FRMD3: variants seen among roughly 807,000 people sequenced by gnomAD.
The protein encoded by FRMD3 is FERM domain-containing protein 3.
FRMD3 carries 33 observed loss-of-function variants against 70.2 expected under a neutral mutation model. The ratio of observed to expected loss-of-function variants is 0.47; its 90% CI spans 0.36 to 0.63. FRMD3 has a LOEUF of 0.63. Among genes scored for constraint, FRMD3 ranks in the 20% least tolerant of loss-of-function variants. The pLI is 0.00. For synonymous variants in FRMD3, 279 were observed against 255.9 expected, an observed-to-expected ratio of 1.09 and a Z score of -0.86; for missense variants, 632 against 711.4, an observed-to-expected ratio of 0.89 and a Z score of 1.27.
chr9:83,531,140 C>T lies in FRMD3; in HGVS notation c.147+6945G>A, dbSNP rs545658841. ...CTACTATAACTATTTCACTACCAGT[C>T]TGAGGATAGAGCCATCCCAAATGGC... On this transcript the variant is annotated intron_variant, in intron 1 of 13. Coordinates refer to ENST00000304195, the MANE Select transcript of FRMD3 (RefSeq NM_174938.6). Among the ~76,000 whole-genome samples the T allele has an allele frequency of 2.0e-5, 3 of 152,276 alleles. No individual in the cohort carries two copies. The South Asian group carries it at 6.2e-4, about 32-fold the overall frequency.
rs1286922537 is a variant in FRMD3 at position 83,247,264 on chromosome 9, G to A, written c.*654C>T. 1 of 984,648 alleles carries A rather than the reference G, an allele frequency of 1.0e-6. No homozygotes were observed. The highest frequency in any genetic ancestry group is 1.8e-5 in the African/African-American group (1 of 57,006). 61.0% of individuals were successfully genotyped at this position (984,648 alleles called of 1,614,324 possible). On this transcript the variant is annotated 3_prime_UTR_variant, in exon 14 of 14. Transcript: ENST00000304195. ...CCTATGCAGATCATAACAAATTATG[G>A]TATTGTTCAGCCAAAAATATTTTTA... is the stretch of plus-strand genomic sequence containing the variant.
At chr9:83,576,953 G>A in the FRMD3 span, among the ~76,000 whole-genome samples, 15 of 151,886 alleles carry the variant, frequency 9.9e-5, no homozygotes, top group African/African-American at 3.4e-4. Flanking sequence ...TCTATGCTAG[G>A]AATGAAAATC....
chr9:83,262,522 C>T (rs1833036798), intron 13 of FRMD3, among the ~76,000 whole-genome samples: 1 of 152,210 alleles, frequency 6.6e-6, no homozygotes, highest in African/African-American at 2.4e-5. Flanking sequence ...CCAGAATAAT[C>T]ATTTTTAAAT....
chr9:83,471,415 G>C lies in FRMD3; in HGVS notation c.147+66670C>G, dbSNP rs567096285. 3.3e-5 allele frequency among the ~76,000 whole-genome samples: 5 copies of C among 152,324 alleles called. No homozygotes were observed. In the South Asian group the frequency reaches 1.0e-3, roughly 32 times the overall value. On this transcript the variant is annotated intron_variant, in intron 1 of 13. Coordinates refer to ENST00000304195, the MANE Select transcript of FRMD3 (RefSeq NM_174938.6). ...TAGCGTTACACAATAATGCTCAGCA[G>C]ATGACTGAGTTCCTCTTTCACCATT...
intron 2 of FRMD3, among the ~76,000 whole-genome samples, chr9:83,373,828 T>C (rs950955680): frequency 7.2e-5 from 11 of 152,216 alleles, no homozygotes; most frequent in African/African-American, 2.7e-4. Flanking sequence ...GCATCCCACC[T>C]GCTTGATGCC....
At chr9:83,571,072 TG>T in the FRMD3 span, among the ~76,000 whole-genome samples, 5 of 152,222 alleles carry the variant, frequency 3.3e-5, no homozygotes, top group Admixed American at 6.5e-5. Context: ...TCATTGAGGC[TG>T]GGGGGGATTC....
the FRMD3 span, among the ~76,000 whole-genome samples, chr9:83,551,101 T>C: frequency 6.6e-6 from 1 of 152,308 alleles, no homozygotes; most frequent in East Asian, 1.9e-4. Context: ...CCATATAATG[T>C]TGGCTGAGTG....
chr9:83,448,089 T>C (rs1357820473), intron 1 of FRMD3, among the ~76,000 whole-genome samples: 2 of 152,174 alleles, frequency 1.3e-5, no homozygotes, highest in African/African-American at 4.8e-5. Context: ...CTTTGTTAGT[T>C]TGAGTACCTA....
intron 1 of FRMD3, among the ~76,000 whole-genome samples, chr9:83,479,488 A>T (rs1828483355): frequency 6.8e-6 from 1 of 146,008 alleles, no homozygotes; most frequent in South Asian, 2.2e-4. Context: ...TTAGCCATCC[A>T]TGGTGGTACA....
chr9:83,548,229 C>T, the FRMD3 span, among the ~76,000 whole-genome samples: 1 of 152,140 alleles, frequency 6.6e-6, no homozygotes, highest in African/African-American at 2.4e-5. Context: ...GGTATTCATG[C>T]AAATGAGCTG....
intron 13 of FRMD3, among the ~76,000 whole-genome samples, chr9:83,251,046 G>T (rs530562695): frequency 1.8e-4 from 28 of 152,314 alleles, no homozygotes; most frequent in Non-Finnish European, 3.4e-4. Flanking sequence ...TGTGAGCCCA[G>T]TCCTACTGAC....
At chr9:83,493,173 G>A (rs1339129309) in intron 1 of FRMD3, among the ~76,000 whole-genome samples, 1 of 152,128 alleles carries the variant, frequency 6.6e-6, no homozygotes, top group African/African-American at 2.4e-5. Flanking sequence ...TACAGTCCCA[G>A]GAGTTGGAAG....
chr9:83,573,593 T>G, the FRMD3 span, among the ~76,000 whole-genome samples: 6 of 152,136 alleles, frequency 3.9e-5, no homozygotes, highest in Admixed American at 1.3e-4. Context: ...TCTCTCTGCC[T>G]CTCATCTCTA....
At chr9:83,321,455 T>C (rs879756026) in intron 6 of FRMD3, among the ~76,000 whole-genome samples, 1 of 152,214 alleles carries the variant, frequency 6.6e-6, no homozygotes, top group Non-Finnish European at 1.5e-5. Flanking sequence ...TTCAGGAGCA[T>C]GCCGTTTAAT....
chr9:83,332,742 G>A (rs1823430897), intron 6 of FRMD3, among the ~76,000 whole-genome samples: 1 of 152,108 alleles, frequency 6.6e-6, no homozygotes, highest in African/African-American at 2.4e-5. Flanking sequence ...TATTTATTGG[G>A]TCCCTCAAAC....
intron 5 of FRMD3, among the ~76,000 whole-genome samples, chr9:83,339,605 T>G (rs1315069234): frequency 6.6e-6 from 1 of 152,178 alleles, no homozygotes; most frequent in African/African-American, 2.4e-5. Flanking sequence ...GACCTTTAGC[T>G]CCAGGGCCAA....
chr9:83,576,276 TA>T, the FRMD3 span, among the ~76,000 whole-genome samples: 3 of 151,774 alleles, frequency 2.0e-5, no homozygotes, highest in East Asian at 5.8e-4. Flanking sequence ...CACATCAACA[TA>T]ATAAAAGACA....
chr9:83,577,546 A>ACCATATATAC, the FRMD3 span, among the ~76,000 whole-genome samples: 1 of 152,046 alleles, frequency 6.6e-6, no homozygotes, highest in East Asian at 1.9e-4. Context: ...CCATATATAC[A>ACCATATATAC]AACACTCCAA....
intron 5 of FRMD3, 91 bp downstream of exon 5, chr9:83,343,099 A>G: frequency 1.1e-6 from 1 of 893,676 alleles, no homozygotes; most frequent in South Asian, 1.4e-5. Flanking sequence ...AGACACAGGC[A>G]GGATGGCCAC....
Sources: gnomAD v4.1 joint callset for allele counts (sites outside exome capture counted in the v4.1 genomes callset) on GRCh38, gnomAD v4.1.1 for gene constraint, MANE v1.5 for transcripts, NCBI Gene and HGNC (gene_info 2026-07-23, HGNC 2026-07-21) for gene names.